The following HSD17B12 variants were observed in gnomAD, a reference collection of about 807,000 sequenced individuals.
The protein encoded by HSD17B12 is hydroxysteroid 17-beta dehydrogenase 12.
Under a neutral mutation model 39.3 loss-of-function variants are expected in HSD17B12, and 32 were observed. That is an observed-to-expected ratio of 0.81 (90% CI 0.61 to 1.09). The LOEUF (loss-of-function observed/expected upper bound fraction) is 1.09, where lower values mean the gene tolerates loss of function less well. Ranked by LOEUF, HSD17B12 falls within the 50% of genes least tolerant of loss-of-function variation. The pLI, the probability that HSD17B12 is intolerant of heterozygous loss-of-function variation, is 0.00. For synonymous variants in HSD17B12, 150 were observed against 146.7 expected, an observed-to-expected ratio of 1.02 and a Z score of -0.16; for missense variants, 342 against 382.9, an observed-to-expected ratio of 0.89 and a Z score of 0.89.
chr11:43,798,658 C>A (rs10838172), intron 4 of HSD17B12, among the ~76,000 whole-genome samples: 33,769 of 151,938 alleles, frequency 0.22, 3,988 homozygotes, highest in Middle Eastern at 0.37. Context: ...TTCTCTTATT[C>A]TCTGTGTATA....
At chr11:43,708,063 C>T (rs1331701843) in intron 1 of HSD17B12, among the ~76,000 whole-genome samples, 11 of 152,136 alleles carry the variant, frequency 7.2e-5, no homozygotes, top group Admixed American at 6.5e-4. Context: ...AGGCCCCACC[C>T]GCAGATACCA....
At chr11:43,645,216 C>A in the HSD17B12 span, 8 of 152,180 alleles carry the variant, frequency 5.3e-5, no homozygotes, top group Admixed American at 5.2e-4. Context: ...CAGGATAACA[C>A]TAGATAGCCA....
chr11:43,768,223 C>T (rs1197068316), intron 3 of HSD17B12, among the ~76,000 whole-genome samples: 1 of 152,200 alleles, frequency 6.6e-6, no homozygotes, highest in Non-Finnish European at 1.5e-5. Context: ...AATTACATCA[C>T]ATCAACAGAT....
upstream of HSD17B12, chr11:43,680,733 T>G: frequency 3.6e-6 from 4 of 1,097,160 alleles, no homozygotes; most frequent in Non-Finnish European, 4.2e-6. Context: ...GCAGCGCCTA[T>G]TAGTGTCATC....
intron 3 of HSD17B12, among the ~76,000 whole-genome samples, chr11:43,777,232 C>G (rs568218360): frequency 6.6e-6 from 1 of 152,170 alleles, no homozygotes; most frequent in Non-Finnish European, 1.5e-5. Context: ...TTCTTCCCAC[C>G]CATGAGCATG....
the HSD17B12 span, among the ~76,000 whole-genome samples, chr11:43,589,944 G>T: frequency 1.3e-5 from 2 of 152,280 alleles, no homozygotes; most frequent in African/African-American, 4.8e-5. Context: ...TCATAAGATC[G>T]TTAGGAAGAT....
At chr11:43,791,161 C>A (rs927735662) in intron 3 of HSD17B12, among the ~76,000 whole-genome samples, 2 of 152,212 alleles carry the variant, frequency 1.3e-5, no homozygotes, top group African/African-American at 4.8e-5. Flanking sequence ...CTAACTGCAT[C>A]CCAGGCTCTT....
rs74822640 is a variant in HSD17B12, at chr11:43,842,352, G to C, written c.684+2288G>C. Among the ~76,000 whole-genome samples the C allele has an allele frequency of 6.6e-3, 1,009 of 152,216 alleles. 9 individuals are homozygous for C. Among genetic ancestry groups the C allele is most frequent in the South Asian group, 0.035 (170 of 4,810 alleles). ...GGATGACTGTTTCCTCATCTTCCAG[G>C]ATCATCTAAGAGCCTGCTTCCTCTA... On this transcript the variant is annotated intron_variant, in intron 9 of 10. Transcript: ENST00000278353.
At chr11:43,847,039 C>T (rs189974647) in intron 9 of HSD17B12, among the ~76,000 whole-genome samples, 179 of 151,846 alleles carry the variant, frequency 1.2e-3, no homozygotes, top group Non-Finnish European at 2.3e-3. Context: ...GATACGTTCT[C>T]GAGAAGAAAC....
At chr11:43,600,183 A>G in the HSD17B12 span, among the ~76,000 whole-genome samples, 12 of 151,756 alleles carry the variant, frequency 7.9e-5, no homozygotes, top group African/African-American at 2.9e-4. Flanking sequence ...TATTATTTCT[A>G]TTTTTATATG....
the HSD17B12 span, among the ~76,000 whole-genome samples, chr11:43,562,066 A>G: frequency 6.6e-6 from 1 of 152,224 alleles, no homozygotes; most frequent in Non-Finnish European, 1.5e-5. Flanking sequence ...TATCATACCT[A>G]AACAATGGGA....
At chr11:43,647,903 C>G in the HSD17B12 span, among the ~76,000 whole-genome samples, 17 of 152,122 alleles carry the variant, frequency 1.1e-4, no homozygotes, top group Non-Finnish European at 1.5e-5. Context: ...ATTTCCAGGA[C>G]AGAATATATT....
chr11:43,686,858 A>G (rs941101665), intron 1 of HSD17B12, among the ~76,000 whole-genome samples: 7 of 152,196 alleles, frequency 4.6e-5, no homozygotes, highest in African/African-American at 1.4e-4. Flanking sequence ...TTGCCAGGGT[A>G]GGGTTTAGAA....
chr11:43,751,235 G>A (rs1260272253), intron 2 of HSD17B12, among the ~76,000 whole-genome samples: 1 of 152,162 alleles, frequency 6.6e-6, no homozygotes, highest in Non-Finnish European at 1.5e-5. Flanking sequence ...TTTATGTCAT[G>A]TAAGTGTGTA....
chr11:43,611,358 T>A, the HSD17B12 span, among the ~76,000 whole-genome samples: 1 of 152,246 alleles, frequency 6.6e-6, no homozygotes, highest in African/African-American at 2.4e-5. Flanking sequence ...AGGTAAATTT[T>A]ACCCATCCTT....
chr11:43,826,702 C>A (rs1271988677), intron 6 of HSD17B12, among the ~76,000 whole-genome samples: 1 of 152,160 alleles, frequency 6.6e-6, no homozygotes, highest in Non-Finnish European at 1.5e-5. Flanking sequence ...TCTAATTAAG[C>A]TTTCCACCCA....
At chr11:43,798,824 T>C (rs2135045974) in intron 4 of HSD17B12, among the ~76,000 whole-genome samples, 1 of 152,312 alleles carries the variant, frequency 6.6e-6, no homozygotes, top group East Asian at 1.9e-4. Context: ...TTATAGTACC[T>C]AAAACAATGC....
At chr11:43,561,758 TCTTG>T in the HSD17B12 span, among the ~76,000 whole-genome samples, 3 of 152,182 alleles carry the variant, frequency 2.0e-5, no homozygotes, top group Non-Finnish European at 4.4e-5. Context: ...AAAGAATTAT[TCTTG>T]CTTATTATTT....
intron 1 of HSD17B12, among the ~76,000 whole-genome samples, chr11:43,719,482 T>C (rs1334084939): frequency 1.3e-5 from 2 of 152,188 alleles, no homozygotes; most frequent in African/African-American, 2.4e-5. Flanking sequence ...GTTTGAAGGG[T>C]ATTAGCATCC....
Sources: allele counts gnomAD v4.1 joint callset (sites outside exome capture counted in the v4.1 genomes callset), GRCh38; gene constraint gnomAD v4.1.1; transcripts MANE v1.5; gene names NCBI Gene and HGNC (gene_info 2026-07-23, HGNC 2026-07-21).